The following MEGF11 variants were observed in gnomAD, a reference collection of about 807,000 sequenced individuals.
The protein encoded by MEGF11 is multiple epidermal growth factor-like domains protein 11.
Under a neutral mutation model 146.6 loss-of-function variants are expected in MEGF11, and 126 were observed. The ratio of observed to expected loss-of-function variants is 0.86; its 90% CI spans 0.74 to 1.00. MEGF11 has a LOEUF of 1.00. Among genes scored for constraint, MEGF11 ranks in the 50% least tolerant of loss-of-function variants. The pLI is 0.00. For missense variants in MEGF11, 1,509 were observed against 1,521.2 expected (o/e 0.99, Z 0.13); for synonymous variants, 532 against 583.4 (o/e 0.91, Z 1.27).
intron 1 of MEGF11, among the ~76,000 whole-genome samples, chr15:66,140,219 AGAGAAATTTGATCCTAT>A (rs1334281373): frequency 1.3e-5 from 2 of 152,222 alleles, no homozygotes; most frequent in Non-Finnish European, 2.9e-5. Context: ...TGATAAATCC[AGAGAAATTTGATCCTAT>A]TCATCATACT....
At chr15:65,910,935 T>C (rs1315026220) in intron 21 of MEGF11, among the ~76,000 whole-genome samples, 2 of 152,222 alleles carry the variant, frequency 1.3e-5, no homozygotes, top group Non-Finnish European at 2.9e-5. Flanking sequence ...TCCAGAGGTA[T>C]GCAGCATGAG....
At position 66,053,475 on chromosome 15, in the gene MEGF11, T is replaced by A. The variant is rs540470614; in HGVS notation, c.394+40927A>T. 2.6e-5 allele frequency among the ~76,000 whole-genome samples: 4 copies of A among 152,240 alleles called. No individual in the cohort carries two copies. In the East Asian group the frequency reaches 7.7e-4, roughly 29 times the overall value. ...TAGTATACATAGGGGAATGGGGTTA[T>A]CATTATTATCATTATCATTATTTAG... On this transcript the variant is annotated intron_variant, in intron 5 of 25. Coordinates refer to ENST00000395614, the MANE Select transcript of MEGF11 (RefSeq NM_001385028.1).
chr15:66,126,582 C>T (rs1056330436), intron 2 of MEGF11, among the ~76,000 whole-genome samples: 12 of 152,192 alleles, frequency 7.9e-5, no homozygotes, highest in South Asian at 6.2e-4. Context: ...CTGTGGGGGA[C>T]GCTCCCTGGA....
At chr15:65,943,973 G>A (rs767073562) in intron 10 of MEGF11, among the ~76,000 whole-genome samples, 32 of 152,074 alleles carry the variant, frequency 2.1e-4, no homozygotes, top group Non-Finnish European at 4.0e-4. Flanking sequence ...CTAGGTGGGA[G>A]CCAGACTGTG....
intron 1 of MEGF11, among the ~76,000 whole-genome samples, chr15:66,156,627 T>C (rs926438537): frequency 1.3e-4 from 20 of 151,942 alleles, no homozygotes; most frequent in African/African-American, 4.8e-4. Context: ...GTTTGGAGCC[T>C]TCTTTCCTCT....
intron 1 of MEGF11, among the ~76,000 whole-genome samples, chr15:66,172,430 G>A (rs1222850013): frequency 6.6e-6 from 1 of 152,174 alleles, no homozygotes; most frequent in Non-Finnish European, 1.5e-5. Flanking sequence ...CTTGCCCTCT[G>A]CTTCTACTTG....
At chr15:65,968,335 T>A (rs527815035) in intron 8 of MEGF11, among the ~76,000 whole-genome samples, 2 of 152,340 alleles carry the variant, frequency 1.3e-5, no homozygotes, top group South Asian at 4.1e-4. Context: ...TGGCCTCGAA[T>A]GTCTCAAATG....
chr15:65,969,099 G>A (rs549562252), intron 8 of MEGF11, among the ~76,000 whole-genome samples: 1 of 152,292 alleles, frequency 6.6e-6, no homozygotes, highest in African/African-American at 2.4e-5. Flanking sequence ...CCAGGATCAT[G>A]GACCAGGCTC....
chr15:65,911,556 C>T (rs1347524643), intron 21 of MEGF11, among the ~76,000 whole-genome samples: 2 of 152,154 alleles, frequency 1.3e-5, no homozygotes, highest in Non-Finnish European at 2.9e-5. Context: ...GGACTACAGG[C>T]GTATGCCACC....
At position 66,190,328 on chromosome 15, in the gene MEGF11, C is replaced by T. The variant is rs1423876396; in HGVS notation, c.-8-61917G>A. 3.9e-5 allele frequency among the ~76,000 whole-genome samples: 6 copies of T among 152,306 alleles called. No homozygotes were observed. The East Asian group carries it at 1.2e-3, about 29-fold the overall frequency. On this transcript the variant is annotated intron_variant, in intron 1 of 25. Transcript: ENST00000395614. ...TGTTGCCCGGGCTGGTCTCAAACTC[C>T]TGGCCTCAAGCGATCCTCCCACCTC...
At chr15:66,058,890 T>C (rs768936264) in intron 5 of MEGF11, among the ~76,000 whole-genome samples, 1 of 152,106 alleles carries the variant, frequency 6.6e-6, no homozygotes, top group Non-Finnish European at 1.5e-5. Context: ...TAAAGAACCA[T>C]TTCCCCAAGC....
intron 1 of MEGF11, among the ~76,000 whole-genome samples, chr15:66,177,201 G>A (rs918990646): frequency 6.6e-6 from 1 of 152,172 alleles, no homozygotes; most frequent in South Asian, 2.1e-4. Flanking sequence ...TCCCCACAAG[G>A]AGTTAAAAGC....
intron 5 of MEGF11, among the ~76,000 whole-genome samples, chr15:66,048,520 G>T (rs1314616441): frequency 6.6e-6 from 1 of 152,212 alleles, no homozygotes; most frequent in African/African-American, 2.4e-5. Flanking sequence ...TCTGAACCCA[G>T]CCACCCTGAC....
At chr15:66,203,205 G>C (rs1028348417) in intron 1 of MEGF11, among the ~76,000 whole-genome samples, 2 of 152,108 alleles carry the variant, frequency 1.3e-5, no homozygotes, top group East Asian at 1.9e-4. Context: ...ACCCCCAAGT[G>C]GGGTAGGAGC....
intron 5 of MEGF11, among the ~76,000 whole-genome samples, chr15:65,990,680 AG>A (rs2082010096): frequency 6.7e-6 from 1 of 149,540 alleles, no homozygotes; most frequent in Non-Finnish European, 1.5e-5. Context: ...AAGGGAAGAA[AG>A]GAAGAAAGGA....
chr15:66,056,074 G>C (rs1487722684), intron 5 of MEGF11, among the ~76,000 whole-genome samples: 1 of 152,082 alleles, frequency 6.6e-6, no homozygotes, highest in Non-Finnish European at 1.5e-5. Flanking sequence ...AGAGTGTCAG[G>C]CTCCACATTT....
chr15:65,963,785 C>CACTCCAGGGAG (rs1249649362), intron 9 of MEGF11, among the ~76,000 whole-genome samples: 1 of 152,238 alleles, frequency 6.6e-6, no homozygotes, highest in Non-Finnish European at 1.5e-5. Flanking sequence ...CCAGCTGCTC[C>CACTCCAGGGAG]ACTCCAGGGA....
intron 9 of MEGF11, among the ~76,000 whole-genome samples, chr15:65,960,884 A>C (rs2080834643): frequency 6.6e-6 from 1 of 151,956 alleles, no homozygotes; most frequent in South Asian, 2.1e-4. Context: ...CTGCTCAGGG[A>C]TATGTTAGGC....
At chr15:66,021,117 C>T (rs1343550223) in intron 5 of MEGF11, among the ~76,000 whole-genome samples, 2 of 151,514 alleles carry the variant, frequency 1.3e-5, no homozygotes, top group African/African-American at 2.4e-5. Context: ...CTGAGAAATT[C>T]CCAACCTCTC....
Sources: gnomAD v4.1 joint callset for allele counts (sites outside exome capture counted in the v4.1 genomes callset) on GRCh38, gnomAD v4.1.1 for gene constraint, MANE v1.5 for transcripts, NCBI Gene and HGNC (gene_info 2026-07-23, HGNC 2026-07-21) for gene names.